The following EPHX2 variants were observed in gnomAD, a reference collection of about 807,000 sequenced individuals.
The protein encoded by EPHX2 is bifunctional epoxide hydrolase 2.
In EPHX2, 74 loss-of-function variants were observed where a neutral mutation model predicts 78.7. The observed-to-expected ratio is 0.94, with a 90% confidence interval of 0.78 to 1.14. The LOEUF (loss-of-function observed/expected upper bound fraction) is 1.14. Among genes scored for constraint, EPHX2 ranks in the 50% most tolerant of loss-of-function variants. The pLI is 0.00. For missense variants in EPHX2, 715 were observed against 702.5 expected (o/e 1.02, Z -0.20); for synonymous variants, 251 against 255.2 (o/e 0.98, Z 0.16).
chr8:27,540,265 G>A (rs1032005583), intron 14 of EPHX2, among the ~76,000 whole-genome samples: 1 of 152,210 alleles, frequency 6.6e-6, no homozygotes. Context: ...TAGCTGCTGT[G>A]TGCCTGAAAA....
In EPHX2 at chr8:27,525,351, T is replaced by A; in HGVS notation, c.1059-11T>A. 1 of 1,613,518 alleles carries A rather than the reference T, an allele frequency of 6.2e-7. No homozygotes were observed. Among genetic ancestry groups the A allele is most frequent in the South Asian group, 1.1e-5 (1 of 91,080 alleles). ...ACAGGGGCTATGTCTTGCTGCCTCTTATTTCTGTAGGGCGGTGGCCAGTTT... is the reference window on the plus strand; with the variant it reads ...ACAGGGGCTATGTCTTGCTGCCTCTAATTTCTGTAGGGCGGTGGCCAGTTT... On this transcript the variant is annotated splice_polypyrimidine_tract_variant and intron_variant, in intron 11 of 18. Coordinates refer to ENST00000521400, the MANE Select transcript of EPHX2 (RefSeq NM_001979.6).
chr8:27,536,929 AG>A, intron 13 of EPHX2, 74 bp downstream of exon 13: 2 of 1,503,366 alleles, frequency 1.3e-6, no homozygotes, highest in Non-Finnish European at 9.1e-7. Context: ...AGTGTGTGGC[AG>A]GGACCAGGAG....
intron 6 of EPHX2, 54 bp from the exon 7 acceptor site, chr8:27,515,664 G>T: frequency 6.8e-7 from 1 of 1,475,520 alleles, no homozygotes; most frequent in South Asian, 1.2e-5. Context: ...TGTGGGGCCT[G>T]GGTCCACTGG....
At chr8:27,520,789 A>G (rs2132755724) in intron 9 of EPHX2, 94 bp from the exon 10 acceptor site, 1 of 1,472,464 alleles carries the variant, frequency 6.8e-7, no homozygotes, top group East Asian at 2.3e-5. Context: ...ACTTCAACAC[A>G]GCAGTTTTGG....
Position 27,530,106 on chromosome 8 carries a change from T to C in EPHX2, c.1170+4633T>C, listed in dbSNP as rs549643148. 6.2e-4 allele frequency among the ~76,000 whole-genome samples: 94 copies of C among 151,238 alleles called. 1 individual carries two copies. The highest frequency in any genetic ancestry group is 3.9e-4 in the Admixed American group (6 of 15,220). On this transcript the variant is annotated intron_variant, in intron 12 of 18. Coordinates refer to ENST00000521400, the MANE Select transcript of EPHX2 (RefSeq NM_001979.6). ...CTGCTGTGTTGCCCAGGCTGGTCTC[T>C]AAGTCCTGGCGTCAAGTGATCCTCC...
intron 1 of EPHX2, among the ~76,000 whole-genome samples, chr8:27,498,430 C>A (rs1382364394): frequency 1.3e-5 from 2 of 151,508 alleles, no homozygotes; most frequent in East Asian, 3.9e-4. Flanking sequence ...TTTTTAATGA[C>A]CACCTGCCCT....
At position 27,491,307 on chromosome 8, in the gene EPHX2, C is replaced by G. The variant is rs1813368380; in HGVS notation, c.99C>G (p.Pro33=). 1.0e-5 allele frequency: 16 copies of G among 1,527,752 alleles called. No homozygotes were observed. The highest frequency in any genetic ancestry group is 1.4e-5 in the Non-Finnish European group (16 of 1,148,932). The allele number at this position is 1,527,752 out of a possible 1,614,324, so 94.6% of individuals were successfully genotyped here. ...LGRTEEALAL[P]RGLLNDAFQK... is the part of the protein sequence containing the mutation. The stretch of plus-strand genomic sequence containing the variant: ...GCACGGAGGAGGCCCTGGCGCTGCC[C>G]AGGTAAGGGGGCCCAGCGCCGCCGC... Residue 33 remains proline, a splice_region_variant and synonymous_variant, in exon 1 of 19, where the codon CCC becomes CCG. Transcript: ENST00000521400.
At chr8:27,512,008 C>T (rs1814269543) in intron 6 of EPHX2, 98 bp downstream of exon 6, 1 of 1,214,728 alleles carries the variant, frequency 8.2e-7, no homozygotes. Flanking sequence ...GTGAGGATCA[C>T]CTGAACCTGA....
intron 2 of EPHX2, among the ~76,000 whole-genome samples, chr8:27,503,237 G>A (rs1014740850): frequency 1.3e-5 from 2 of 152,182 alleles, no homozygotes; most frequent in Non-Finnish European, 2.9e-5. Flanking sequence ...CTTCAGCACT[G>A]TAAGAAATAA....
intron 1 of EPHX2, among the ~76,000 whole-genome samples, chr8:27,495,823 C>G (rs1043816553): frequency 6.6e-6 from 1 of 152,214 alleles, no homozygotes; most frequent in Non-Finnish European, 1.5e-5. Flanking sequence ...TATTCCTGCT[C>G]TCTCTGTGAT....
chr8:27,535,375 A>G (rs1815178686), intron 12 of EPHX2, among the ~76,000 whole-genome samples: 1 of 152,018 alleles, frequency 6.6e-6, no homozygotes, highest in Non-Finnish European at 1.5e-5. Context: ...GGGTTTTACC[A>G]TATTGGCCAG....
At chr8:27,526,375 C>G (rs552723784) in intron 12 of EPHX2, among the ~76,000 whole-genome samples, 1 of 152,218 alleles carries the variant, frequency 6.6e-6, no homozygotes. Flanking sequence ...GAAGAGACCT[C>G]GACATGTCGC....
chr8:27,491,317 G>T lies in EPHX2; in HGVS notation c.101+8G>T, dbSNP rs1273473000. The stretch of plus-strand genomic sequence containing the variant: ...GGCCCTGGCGCTGCCCAGGTAAGGG[G>T]GCCCAGCGCCGCCGCCGCAGTGGGT... On this transcript the variant is annotated splice_region_variant and intron_variant, in intron 1 of 18. Coordinates refer to ENST00000521400, the MANE Select transcript of EPHX2 (RefSeq NM_001979.6). 2 of 1,486,486 alleles carry T rather than the reference G, an allele frequency of 1.3e-6. No individual in the cohort carries two copies. Among genetic ancestry groups the T allele is most frequent in the Admixed American group, 4.8e-5 (2 of 41,466 alleles). 92.1% of individuals were successfully genotyped at this position (1,486,486 alleles called of 1,614,324 possible).
At chr8:27,512,829 C>T (rs7838218) in intron 6 of EPHX2, among the ~76,000 whole-genome samples, 2,000 of 152,070 alleles carry the variant, frequency 0.013, 37 homozygotes, top group African/African-American at 0.046. Context: ...TCCACAACTT[C>T]ATAATGAAAT....
Position 27,524,072 on chromosome 8 carries a change from A to G in EPHX2, c.1059-1290A>G, listed in dbSNP as rs1814742817. On this transcript the variant is annotated intron_variant, in intron 11 of 18. Coordinates refer to ENST00000521400, the MANE Select transcript of EPHX2 (RefSeq NM_001979.6). ...CTCAGCCTCCTGAGTAGCTGGGACC[A>G]CAGGCATGCACCAACACGCCCAGCT... Among the ~76,000 whole-genome samples the G allele has an allele frequency of 3.3e-5, 5 of 152,014 alleles. No homozygotes were observed. In the South Asian group the frequency reaches 1.0e-3, roughly 32 times the overall value.
At chr8:27,528,518 G>C (rs1252886455) in intron 12 of EPHX2, among the ~76,000 whole-genome samples, 1 of 152,178 alleles carries the variant, frequency 6.6e-6, no homozygotes, top group Non-Finnish European at 1.5e-5. Flanking sequence ...CAAAAGGTTG[G>C]TTTTGGGTGG....
intron 1 of EPHX2, 27 bp downstream of exon 1, chr8:27,491,336 A>G (rs1254479165): frequency 1.4e-6 from 2 of 1,449,972 alleles, no homozygotes; most frequent in Admixed American, 2.6e-5. Flanking sequence ...CCGCCGCCGC[A>G]GTGGGTCGGG....
chr8:27,543,913 T>C, intron 17 of EPHX2, 84 bp downstream of exon 17: 1 of 1,408,170 alleles, frequency 7.1e-7, no homozygotes, highest in South Asian at 1.2e-5. Context: ...CAGCAGAAGA[T>C]ACACCTTGTC....
chr8:27,544,841 G>A lies in EPHX2; in HGVS notation c.*319G>A, dbSNP rs1177071974. On this transcript the variant is annotated 3_prime_UTR_variant, in exon 19 of 19. Coordinates refer to ENST00000521400, the MANE Select transcript of EPHX2 (RefSeq NM_001979.6). ...TTCTCTTTGACCAATGCATAGTTTG[G>A]CAGAAAAATCAGCCGTTCATTTAGA... 3.0e-6 allele frequency: 1 copy of A among 332,076 alleles called. No individual in the cohort carries two copies. Among genetic ancestry groups the A allele is most frequent in the Admixed American group, 4.4e-5 (1 of 22,754 alleles). The allele number at this position is 332,076 out of a possible 1,614,324, so 20.6% of individuals were successfully genotyped here. A position where few individuals can be genotyped will look rare whatever the true frequency, so the allele number is the denominator to read the frequency against.
Sources: gnomAD v4.1 joint callset for allele counts (sites outside exome capture counted in the v4.1 genomes callset) on GRCh38, gnomAD v4.1.1 for gene constraint, MANE v1.5 for transcripts, NCBI Gene and HGNC (gene_info 2026-07-23, HGNC 2026-07-21) for gene names.